The following SLC35A1 variants were observed in gnomAD, a reference collection of about 807,000 sequenced individuals.
The protein encoded by SLC35A1 is solute carrier family 35 member A1.
In SLC35A1, 21 loss-of-function variants were observed where a neutral mutation model predicts 40.3. That is an observed-to-expected ratio of 0.52 (90% CI 0.37 to 0.75). The LOEUF (loss-of-function observed/expected upper bound fraction) is 0.75, where lower values mean the gene tolerates loss of function less well. Ranked by LOEUF, SLC35A1 falls within the 30% of genes least tolerant of loss-of-function variation. The pLI, the probability that SLC35A1 is intolerant of heterozygous loss-of-function variation, is 0.00. For synonymous variants in SLC35A1, 146 were observed against 147.3 expected, an observed-to-expected ratio of 0.99 and a Z score of 0.06; for missense variants, 297 against 382.1, an observed-to-expected ratio of 0.78 and a Z score of 1.86.
Position 87,506,398 on chromosome 6 carries a change from TA to T in SLC35A1, c.525del (p.Leu175PhefsTer2). 6.2e-7 allele frequency: 1 copy of T among 1,613,298 alleles called. No homozygotes were observed. The highest frequency in any genetic ancestry group is 8.5e-7 in the Non-Finnish European group (1 of 1,179,368). On this transcript the variant is annotated frameshift_variant, in exon 5 of 8. Transcript: ENST00000369552. LOFTEE classifies it high-confidence loss of function. ...ATATTGCAGGTGGAACAAAATCCATTATTAGGGTTTGGCGCTATAGCTATTG... is the reference window on the plus strand; with the variant it reads ...ATATTGCAGGTGGAACAAAATCCATTTTAGGGTTTGGCGCTATAGCTATTG... ...ATKVVVEQNP[L>X]LGFGAIAIAV...
chr6:87,512,232 T>TA lies in SLC35A1; in HGVS notation c.*709dup, dbSNP rs1402173069. 2 of 152,786 alleles carry TA rather than the reference T, an allele frequency of 1.3e-5. No homozygotes were observed. The highest frequency in any genetic ancestry group is 4.8e-5 in the African/African-American group (2 of 41,474). The allele number at this position is 152,786 out of a possible 1,614,324, so 9.5% of individuals were successfully genotyped here. On this transcript the variant is annotated 3_prime_UTR_variant, in exon 8 of 8. Transcript: ENST00000369552. ...TTCTAATGTCACTTTTGTACTTTTT[T>TA]AAATAAAGTATGTTTAACTGTTGGG...
chr6:87,498,164 A>G (rs1452721434), intron 2 of SLC35A1, among the ~76,000 whole-genome samples: 1 of 152,174 alleles, frequency 6.6e-6, no homozygotes, highest in African/African-American at 2.4e-5. Context: ...ATAAATGAAT[A>G]TGGGAGAAGG....
intron 2 of SLC35A1, among the ~76,000 whole-genome samples, chr6:87,477,986 T>C (rs1769123926): frequency 6.6e-6 from 1 of 152,214 alleles, no homozygotes; most frequent in African/African-American, 2.4e-5. Context: ...TTTGGATGAA[T>C]ATAATAATAA....
chr6:87,488,466 A>G (rs930005700), intron 2 of SLC35A1: 1 of 152,202 alleles, frequency 6.6e-6, no homozygotes, highest in African/African-American at 2.4e-5. Flanking sequence ...GGCAGCACAT[A>G]ATACTAAAAA....
intron 2 of SLC35A1, among the ~76,000 whole-genome samples, chr6:87,493,881 C>T (rs1375929699): frequency 6.6e-6 from 1 of 152,084 alleles, no homozygotes; most frequent in Non-Finnish European, 1.5e-5. Context: ...ATACTTACAA[C>T]ACCCTGGAAG....
intron 2 of SLC35A1, among the ~76,000 whole-genome samples, chr6:87,478,361 T>A (rs1455576250): frequency 6.6e-6 from 1 of 152,148 alleles, no homozygotes; most frequent in African/African-American, 2.4e-5. Flanking sequence ...TATGGGGTGC[T>A]GAAAATTAAA....
In SLC35A1 at chr6:87,511,526, A is replaced by T. The variant is rs1770274552; in HGVS notation, c.1014A>T (p.Ter338CysextTer2). The part of the protein sequence containing the change: ...TASKERVIGV[*>C] ...CAAAGGAGAGAGTTATTGGTGTGTG[A>T]TTTTAGCCTCACGTGAGACTCCTTT... Residue 338 changes from the stop codon to cysteine, a stop_lost, in exon 8 of 8, where the codon TGA becomes TGT. Coordinates refer to ENST00000369552, the MANE Select transcript of SLC35A1 (RefSeq NM_006416.5). 6.2e-7 allele frequency: 1 copy of T among 1,614,024 alleles called. No individual in the cohort carries two copies. Among genetic ancestry groups the T allele is most frequent in the East Asian group, 2.2e-5 (1 of 44,848 alleles).
At chr6:87,485,163 A>G (rs1032475057) in intron 2 of SLC35A1, among the ~76,000 whole-genome samples, 2 of 152,240 alleles carry the variant, frequency 1.3e-5, no homozygotes, top group Non-Finnish European at 2.9e-5. Context: ...GCTTCTAAAT[A>G]TCAGAAAATA....
chr6:87,493,900 T>C (rs1769636679), intron 2 of SLC35A1, among the ~76,000 whole-genome samples: 1 of 152,274 alleles, frequency 6.6e-6, no homozygotes, highest in Admixed American at 6.5e-5. Context: ...AGTTTTGGCA[T>C]GTGAAATTAT....
At chr6:87,485,970 A>G (rs1404250722) in intron 2 of SLC35A1, among the ~76,000 whole-genome samples, 5 of 152,242 alleles carry the variant, frequency 3.3e-5, no homozygotes, top group Non-Finnish European at 7.3e-5. Flanking sequence ...TAAAACTATG[A>G]TTAAATGAAG....
In SLC35A1 at chr6:87,472,995, C is replaced by T. The variant is rs545042847; in HGVS notation, c.-9C>T. The T allele has an allele frequency of 4.1e-5, 28 of 676,578 alleles. 1 individual carries two copies. In the East Asian group the frequency reaches 5.0e-4, roughly 12 times the overall value. 41.9% of individuals were successfully genotyped at this position (676,578 alleles called of 1,614,324 possible). Reference sequence around the variant, plus strand: ...GGGCGTCAGTTCCGCGGGGGGCTGTCGGGGAACCATGGCTGCCCCGAGAGG... The same window carrying T: ...GGGCGTCAGTTCCGCGGGGGGCTGTTGGGGAACCATGGCTGCCCCGAGAGG... On this transcript the variant is annotated 5_prime_UTR_variant, in exon 1 of 8. Coordinates refer to ENST00000369552, the MANE Select transcript of SLC35A1 (RefSeq NM_006416.5).
At chr6:87,496,506 G>A (rs925138407) in intron 2 of SLC35A1, among the ~76,000 whole-genome samples, 5 of 152,176 alleles carry the variant, frequency 3.3e-5, no homozygotes, top group East Asian at 1.9e-4. Context: ...AGGGCCAGGC[G>A]TGGTGGCTTA....
intron 2 of SLC35A1, among the ~76,000 whole-genome samples, chr6:87,492,211 T>C (rs1769574320): frequency 6.6e-6 from 1 of 152,198 alleles, no homozygotes; most frequent in African/African-American, 2.4e-5. Flanking sequence ...ACGGACCTTA[T>C]ATAAATTTTT....
intron 7 of SLC35A1, among the ~76,000 whole-genome samples, chr6:87,510,347 G>T (rs1178321648): frequency 6.6e-6 from 1 of 152,080 alleles, no homozygotes; most frequent in Non-Finnish European, 1.5e-5. Context: ...AAATATATAG[G>T]AACAGTAGAA....
intron 1 of SLC35A1, among the ~76,000 whole-genome samples, chr6:87,474,154 A>G (rs776682827): frequency 6.6e-6 from 1 of 152,260 alleles, no homozygotes; most frequent in Non-Finnish European, 1.5e-5. Flanking sequence ...GAAAACTTAT[A>G]AATTACAGAA....
intron 3 of SLC35A1, 133 bp downstream of exon 3, chr6:87,500,800 T>C (rs1582189243): frequency 2.3e-6 from 2 of 865,258 alleles, no homozygotes; most frequent in African/African-American, 3.4e-5. Flanking sequence ...TAGGCTGGAG[T>C]GCAGTGACGT....
At chr6:87,487,572 A>G (rs1769423814) in intron 2 of SLC35A1, among the ~76,000 whole-genome samples, 1 of 152,202 alleles carries the variant, frequency 6.6e-6, no homozygotes, top group Admixed American at 6.6e-5. Context: ...CAGCACTATA[A>G]CATGCCTGAA....
rs1247751052 is a variant in SLC35A1, at chr6:87,511,764, G to GT, written c.*239dup. 3 of 510,384 alleles carry GT rather than the reference G, an allele frequency of 5.9e-6. No homozygotes were observed. Among genetic ancestry groups the GT allele is most frequent in the East Asian group, 7.4e-5 (2 of 27,026 alleles). The allele number at this position is 510,384 out of a possible 1,614,324, so 31.6% of individuals were successfully genotyped here. A position where few individuals can be genotyped will look rare whatever the true frequency, so the allele number is the denominator to read the frequency against. On this transcript the variant is annotated 3_prime_UTR_variant, in exon 8 of 8. Transcript: ENST00000369552. ...TTTAGAATGAAGGAATTGTATTATT[G>GT]TGTGTATATATAATTTGTAAATAAA...
intron 4 of SLC35A1, among the ~76,000 whole-genome samples, chr6:87,501,559 TC>T (rs1769924475): frequency 6.6e-6 from 1 of 152,190 alleles, no homozygotes; most frequent in Non-Finnish European, 1.5e-5. Context: ...ATGTGTTCCA[TC>T]CCCTCCATTT....
Sources: allele counts gnomAD v4.1 joint callset (sites outside exome capture counted in the v4.1 genomes callset), GRCh38; gene constraint gnomAD v4.1.1; transcripts MANE v1.5; gene names NCBI Gene and HGNC (gene_info 2026-07-23, HGNC 2026-07-21).